The following HSPA12A variants were observed in gnomAD, a reference collection of about 807,000 sequenced individuals.
The protein encoded by HSPA12A is heat shock 70 kDa protein 12A.
A neutral mutation model predicts 69.2 loss-of-function variants in HSPA12A; 28 were observed. The ratio of observed to expected loss-of-function variants is 0.40; its 90% CI spans 0.30 to 0.55. The LOEUF (loss-of-function observed/expected upper bound fraction) is 0.55, where lower values mean the gene tolerates loss of function less well. Among genes scored for constraint, HSPA12A ranks in the 20% least tolerant of loss-of-function variants. HSPA12A has a pLI of 0.38. For missense variants in HSPA12A, 686 were observed against 900.7 expected (o/e 0.76, Z 3.05); for synonymous variants, 345 against 370.5 (o/e 0.93, Z 0.79).
chr10:116,808,656 C>G (rs1218510560), intron 2 of HSPA12A, among the ~76,000 whole-genome samples: 1 of 152,108 alleles, frequency 6.6e-6, no homozygotes, highest in Non-Finnish European at 1.5e-5. Flanking sequence ...ATCCTGTTCC[C>G]CACAATGGTC....
At chr10:116,684,072 T>C in intron 6 of HSPA12A, 110 bp from the exon 7 acceptor site, 2 of 886,600 alleles carry the variant, frequency 2.3e-6, no homozygotes, top group Non-Finnish European at 3.2e-6. Flanking sequence ...GTGCTCTGCA[T>C]CTGTGGGACA....
In HSPA12A at chr10:116,834,896, T is replaced by C. The variant is rs983992802; in HGVS notation, c.91+39A>G. On this transcript the variant is annotated intron_variant, in intron 2 of 12. Transcript: ENST00000635765. ...GAGGTTCTGGGGCAGTTATTTCAGA[T>C]GCCAGTTTGATACTTACACACATTA... 16 of 1,125,466 alleles carry C rather than the reference T, an allele frequency of 1.4e-5. No homozygotes were observed. In the African/African-American group the frequency reaches 2.1e-4, roughly 15 times the overall value. 69.7% of individuals were successfully genotyped at this position (1,125,466 alleles called of 1,614,324 possible).
At position 116,696,002 on chromosome 10, in the gene HSPA12A, C is replaced by CAAAAAAA. The variant is rs71013609; in HGVS notation, c.546+2626_546+2632dup. 5.5e-4 allele frequency among the ~76,000 whole-genome samples: 18 copies of CAAAAAAA among 32,720 alleles called. 3 individuals are homozygous for CAAAAAAA. The highest frequency in any genetic ancestry group is 1.3e-3 in the Admixed American group (3 of 2,394). The allele number at this position is 32,720 out of a possible 152,430, so 21.5% of individuals were successfully genotyped here. A position where few individuals can be genotyped will look rare whatever the true frequency, so the allele number is the denominator to read the frequency against. On this transcript the variant is annotated intron_variant, in intron 5 of 11. Coordinates refer to ENST00000369209, the MANE Select transcript of HSPA12A (RefSeq NM_025015.3). ...TGGGCAACAGAGAGAGACTCCATCT[C>CAAAAAAA]AAAAAAAAAAAAAAAAAAAAAGGCT...
chr10:116,675,378 G>T lies in HSPA12A; in HGVS notation c.1431C>A (p.Phe477Leu), dbSNP rs1554877533. ...FQKPEVSTVK[F>L]LFLVGGFAEA... ...CGGCAAAGCCGCCCACCAGAAAGAGGAACTTGACGGTGGACACCTCGGGCT... is the reference window on the plus strand; with the variant it reads ...CGGCAAAGCCGCCCACCAGAAAGAGTAACTTGACGGTGGACACCTCGGGCT... Residue 477 changes from phenylalanine (F) to leucine (L), a missense_variant, in exon 12 of 12, where the codon TTC becomes TTA. By Grantham distance (22) the Phe-to-Leu change is conservative. Coordinates refer to ENST00000369209, the MANE Select transcript of HSPA12A (RefSeq NM_025015.3). The surrounding 1 kb of genome is among the most constrained non-coding windows in gnomAD (Gnocchi z 5.2). 2 of 1,608,528 alleles carry T rather than the reference G, an allele frequency of 1.2e-6. No homozygotes were observed. The highest frequency in any genetic ancestry group is 2.7e-5 in the African/African-American group (2 of 74,846).
At chr10:116,794,344 A>G (rs1184933475) in intron 2 of HSPA12A, among the ~76,000 whole-genome samples, 1 of 152,234 alleles carries the variant, frequency 6.6e-6, no homozygotes, top group Non-Finnish European at 1.5e-5. Flanking sequence ...ACTTAAGGAC[A>G]TAGAAAGGTT....
At chr10:116,757,907 G>A (rs1162020852) in intron 2 of HSPA12A, among the ~76,000 whole-genome samples, 1 of 152,154 alleles carries the variant, frequency 6.6e-6, no homozygotes, top group African/African-American at 2.4e-5. Context: ...TGAGATATGT[G>A]CATATAAAAT....
intron 2 of HSPA12A, among the ~76,000 whole-genome samples, chr10:116,753,056 C>T (rs1843744988): frequency 6.6e-6 from 1 of 152,248 alleles, no homozygotes; most frequent in Admixed American, 6.5e-5. Flanking sequence ...TAAAAGTCCT[C>T]AGCCTTCCCT....
intron 1 of HSPA12A, among the ~76,000 whole-genome samples, chr10:116,730,180 C>T (rs1214857612): frequency 6.6e-6 from 1 of 152,210 alleles, no homozygotes; most frequent in Non-Finnish European, 1.5e-5. Context: ...GAGACTCCAT[C>T]TCAAAATAAT....
chr10:116,788,191 C>G (rs941780914), intron 2 of HSPA12A, among the ~76,000 whole-genome samples: 4 of 152,196 alleles, frequency 2.6e-5, no homozygotes, highest in Non-Finnish European at 5.9e-5. Flanking sequence ...ATTCTAGACC[C>G]CCGCAAACGG....
At chr10:116,775,100 GC>G (rs77242142) in intron 2 of HSPA12A, among the ~76,000 whole-genome samples, 5 of 152,308 alleles carry the variant, frequency 3.3e-5, no homozygotes, top group African/African-American at 1.2e-4. Flanking sequence ...TGGCACAGGT[GC>G]CCCCAAGGGA....
chr10:116,736,642 G>A (rs1173099823), intron 1 of HSPA12A, among the ~76,000 whole-genome samples: 3 of 152,174 alleles, frequency 2.0e-5, no homozygotes, highest in South Asian at 2.1e-4. Context: ...GAAAGCAGGG[G>A]CTGGAGTGAT....
intron 5 of HSPA12A, among the ~76,000 whole-genome samples, chr10:116,695,829 A>C (rs1457767085): frequency 1.9e-5 from 2 of 105,140 alleles, no homozygotes; most frequent in Non-Finnish European, 4.0e-5. Flanking sequence ...CAAAACAAAA[A>C]CAAAGAAAAA....
chr10:116,849,850 C>G (rs887686688), upstream of HSPA12A: 1 of 1,194,382 alleles, frequency 8.4e-7, no homozygotes, highest in Non-Finnish European at 1.2e-6. Context: ...CGCCCGGGCC[C>G]TGGGCCTGCG....
intron 2 of HSPA12A, among the ~76,000 whole-genome samples, chr10:116,762,614 C>T (rs1301397447): frequency 1.3e-5 from 2 of 152,098 alleles, no homozygotes; most frequent in South Asian, 2.1e-4. Flanking sequence ...GACAGAGTTT[C>T]GCTCTGTCAC....
chr10:116,833,778 A>G (rs1564835121), intron 2 of HSPA12A, among the ~76,000 whole-genome samples: 1 of 152,194 alleles, frequency 6.6e-6, no homozygotes, highest in African/African-American at 2.4e-5. Flanking sequence ...CGTCTTCAGA[A>G]GTTTAACACT....
chr10:116,734,983 C>T (rs1851273584), intron 1 of HSPA12A, among the ~76,000 whole-genome samples: 1 of 152,146 alleles, frequency 6.6e-6, no homozygotes, highest in Non-Finnish European at 1.5e-5. Flanking sequence ...CAGAGCGAGA[C>T]TCCGTCTCGA....
chr10:116,821,543 A>G (rs1039744657), intron 2 of HSPA12A, among the ~76,000 whole-genome samples: 1 of 152,254 alleles, frequency 6.6e-6, no homozygotes, highest in African/African-American at 2.4e-5. Context: ...CATTTAACAT[A>G]TTCAGATTTG....
At chr10:116,746,218 T>A (rs1589682005), upstream of HSPA12A, among the ~76,000 whole-genome samples, 1 of 151,406 alleles carries the variant, frequency 6.6e-6, no homozygotes, top group East Asian at 2.0e-4. Context: ...CCCCACCACA[T>A]CCATTCATGC....
intron 2 of HSPA12A, among the ~76,000 whole-genome samples, chr10:116,782,641 A>G (rs1844488483): frequency 6.6e-6 from 1 of 152,202 alleles, no homozygotes; most frequent in Non-Finnish European, 1.5e-5. Context: ...CATAAAAACC[A>G]AGCAAAACTA....
Sources: allele counts gnomAD v4.1 joint callset (sites outside exome capture counted in the v4.1 genomes callset), GRCh38; gene constraint gnomAD v4.1.1; non-coding constraint Gnocchi (gnomAD v3.1); transcripts MANE v1.5; gene names NCBI Gene and HGNC (gene_info 2026-07-23, HGNC 2026-07-21).